KBTBD2: variants seen among roughly 807,000 people sequenced by gnomAD.
KBTBD2 encodes kelch repeat and BTB domain-containing protein 2.
KBTBD2 carries 17 observed loss-of-function variants against 57.1 expected under a neutral mutation model. The observed-to-expected ratio is 0.30, with a 90% CI of 0.20 to 0.45. KBTBD2 has a LOEUF of 0.45. KBTBD2 is among the 20% of genes least tolerant of loss of function. The pLI, the probability that KBTBD2 is intolerant of heterozygous loss-of-function variation, is 1.00. For synonymous variants in KBTBD2, 267 were observed against 262.7 expected (o/e 1.02, Z -0.16); for missense variants, 515 against 750.6 (o/e 0.69, Z 3.67).
chr7:32,888,090 TTCTG>T (rs1189973056), intron 1 of KBTBD2, among the ~76,000 whole-genome samples: 2 of 152,268 alleles, frequency 1.3e-5, no homozygotes, highest in African/African-American at 4.8e-5. Context: ...TCTTTTTTCA[TTCTG>T]TCTAAATGGT....
intron 1 of KBTBD2, among the ~76,000 whole-genome samples, chr7:32,883,277 C>T (rs1171177913): frequency 6.6e-6 from 1 of 152,174 alleles, no homozygotes; most frequent in Admixed American, 6.5e-5. Flanking sequence ...ACTCTGGAGG[C>T]TGAGGCTGCT....
In KBTBD2 at chr7:32,879,586, T is replaced by C. The variant is rs1236505575; in HGVS notation, c.19A>G (p.Arg7Gly). ...ACAGCATATTCAGTATTGATCTGCCTCTCGTCTTGAGTGGACATGACTGTA... is the reference window on the plus strand; with the variant it reads ...ACAGCATATTCAGTATTGATCTGCCCCTCGTCTTGAGTGGACATGACTGTA... MSTQDE[R>G]QINTEYAVSL... Residue 7 changes from arginine to glycine, a missense_variant, in exon 2 of 4, where the codon AGG becomes GGG. Coordinates refer to ENST00000304056, the MANE Select transcript of KBTBD2 (RefSeq NM_015483.3). The C allele has an allele frequency of 1.1e-5, 17 of 1,613,140 alleles. No homozygotes were observed. The East Asian group carries it at 3.8e-4, about 36-fold the overall frequency.
rs557093194 is a variant in KBTBD2, at chr7:32,868,336, A to C, written c.*1009T>G. 3 of 152,692 alleles carry C rather than the reference A, an allele frequency of 2.0e-5. No homozygotes were observed. In the South Asian group the frequency reaches 6.2e-4, roughly 32 times the overall value. The allele number at this position is 152,692 out of a possible 1,614,324, so 9.5% of individuals were successfully genotyped here. A position where few individuals can be genotyped will look rare whatever the true frequency, so the allele number is the denominator to read the frequency against. ...TGGTTCCTGGGATTAATGCCAGAGC[A>C]GCGCTAGTTATCTGCTCTTCTGCAC... is the stretch of plus-strand genomic sequence containing the variant. On this transcript the variant is annotated 3_prime_UTR_variant, in exon 4 of 4. Transcript: ENST00000304056.
intron 3 of KBTBD2, among the ~76,000 whole-genome samples, chr7:32,873,734 C>CA (rs905107530): frequency 1.3e-5 from 2 of 150,118 alleles, no homozygotes; most frequent in East Asian, 2.0e-4. Context: ...AATTCCGTCT[C>CA]AAAAAAAAAT....
chr7:32,885,013 T>TAC (rs1784540023), intron 1 of KBTBD2, among the ~76,000 whole-genome samples: 1 of 140,564 alleles, frequency 7.1e-6, no homozygotes, highest in East Asian at 2.0e-4. Context: ...TATATATATA[T>TAC]ATATACACAC....
At chr7:32,877,191 G>C (rs1223306753) in intron 2 of KBTBD2, among the ~76,000 whole-genome samples, 1 of 151,846 alleles carries the variant, frequency 6.6e-6, no homozygotes, top group Admixed American at 6.6e-5. Context: ...CTGATTTTTT[G>C]TATTTTTAGT....
intron 1 of KBTBD2, among the ~76,000 whole-genome samples, chr7:32,887,164 A>G (rs981144599): frequency 2.0e-5 from 3 of 152,196 alleles, no homozygotes; most frequent in Non-Finnish European, 4.4e-5. Context: ...TGAATGTGAT[A>G]AAGAAACCAA....
chr7:32,872,058 G>C (rs1376036268), intron 3 of KBTBD2, among the ~76,000 whole-genome samples: 1 of 152,134 alleles, frequency 6.6e-6, no homozygotes, highest in South Asian at 2.1e-4. Flanking sequence ...AAAATTAGCT[G>C]GATGTGCTGG....
rs1784112917 is a variant in KBTBD2 at position 32,869,457 on chromosome 7, T to C, written c.1760A>G (p.Tyr587Cys). The change falls in exon 4 of 4, where the codon TAT (tyrosine) becomes TGT (cysteine). Residue 587 changes from tyrosine to cysteine, a missense_variant. By Grantham distance (194) the Tyr-to-Cys change is radical. Coordinates refer to ENST00000304056, the MANE Select transcript of KBTBD2 (RefSeq NM_015483.3). ...TGGAGACTCTTCAAGGCAGGATGGA[T>C]AGAGTTTCCCCACAGTGCATCGAAA... ...RDFRCTVGKLYPSCLEESPWK... is the reference protein window; with the variant it reads ...RDFRCTVGKLCPSCLEESPWK... The C allele has an allele frequency of 1.2e-6, 2 of 1,613,932 alleles. No individual in the cohort carries two copies. The highest frequency in any genetic ancestry group is 1.3e-5 in the African/African-American group (1 of 74,894).
At chr7:32,884,290 GTACC>G (rs1194726590) in intron 1 of KBTBD2, among the ~76,000 whole-genome samples, 10 of 151,528 alleles carry the variant, frequency 6.6e-5, no homozygotes, top group Non-Finnish European at 1.0e-4. Context: ...AGGCGAGAGG[GTACC>G]TTGAGGCCAA....
chr7:32,878,457 G>C (rs1325672933), intron 2 of KBTBD2, among the ~76,000 whole-genome samples: 1 of 151,926 alleles, frequency 6.6e-6, no homozygotes, highest in African/African-American at 2.4e-5. Context: ...GTGCGTGCCT[G>C]TAATCCCAGC....
chr7:32,878,814 A>C (rs1216576110), intron 2 of KBTBD2, among the ~76,000 whole-genome samples: 1 of 152,226 alleles, frequency 6.6e-6, no homozygotes, highest in African/African-American at 2.4e-5. Flanking sequence ...ACAAAGACGC[A>C]AAAGATCATA....
chr7:32,890,852 T>A (rs930265532), intron 1 of KBTBD2: 1 of 152,172 alleles, frequency 6.6e-6, no homozygotes, highest in African/African-American at 2.4e-5. Context: ...AAAAAAGATG[T>A]TAACTCAAAA....
intron 1 of KBTBD2, among the ~76,000 whole-genome samples, chr7:32,883,483 C>T (rs896380190): frequency 1.3e-5 from 2 of 152,184 alleles, no homozygotes; most frequent in African/African-American, 4.8e-5. Context: ...CTGTAAAAGG[C>T]TCCTTCCCTC....
intron 1 of KBTBD2, among the ~76,000 whole-genome samples, chr7:32,884,647 A>T (rs749001656): frequency 4.2e-5 from 6 of 143,062 alleles, no homozygotes; most frequent in Non-Finnish European, 9.2e-5. Flanking sequence ...CCGAGATCGC[A>T]CCACTGCACT....
intron 1 of KBTBD2, among the ~76,000 whole-genome samples, chr7:32,885,484 A>C (rs1784555630): frequency 6.6e-6 from 1 of 151,590 alleles, no homozygotes; most frequent in Non-Finnish European, 1.5e-5. Flanking sequence ...AAAAAAAAAA[A>C]AAAGACATCT....
At position 32,881,360 on chromosome 7, in the gene KBTBD2, T is replaced by C. The variant is rs1208921721; in HGVS notation, c.-338-1418A>G. Among the ~76,000 whole-genome samples, 5 of 152,016 alleles carry C rather than the reference T, an allele frequency of 3.3e-5. 1 individual carries two copies. Among genetic ancestry groups the C allele is most frequent in the Admixed American group, 2.6e-4 (4 of 15,248 alleles). On this transcript the variant is annotated intron_variant, in intron 1 of 3. Coordinates refer to ENST00000304056, the MANE Select transcript of KBTBD2 (RefSeq NM_015483.3). The stretch of plus-strand genomic sequence containing the variant: ...ATCAGGAAAAGAGGAAAATCCCAAA[T>C]AGAATGCTACTAATATGTTAACTAT...
At chr7:32,878,529 G>A (rs1460221578) in intron 2 of KBTBD2, among the ~76,000 whole-genome samples, 1 of 150,944 alleles carries the variant, frequency 6.6e-6, no homozygotes, top group Non-Finnish European at 1.5e-5. Context: ...GCAGTGAGCC[G>A]AGATCGCGCC....
chr7:32,891,659 C>G lies in KBTBD2; in HGVS notation c.-462G>C, dbSNP rs999170505. On this transcript the variant is annotated 5_prime_UTR_variant, in exon 1 of 4. Transcript: ENST00000304056. ...CGCGGCCTCGCCTGGGGTCTCGCCT[C>G]CGCCTCCGGCCGAGGAAGGCTGGCG... The G allele has an allele frequency of 3.0e-4, 46 of 151,318 alleles. No homozygotes were observed. The highest frequency in any genetic ancestry group is 9.7e-4 in the African/African-American group (40 of 41,344). The allele number at this position is 151,318 out of a possible 1,614,324, so 9.4% of individuals were successfully genotyped here. A position where few individuals can be genotyped will look rare whatever the true frequency, so the allele number is the denominator to read the frequency against.
Sources: allele counts gnomAD v4.1 joint callset (sites outside exome capture counted in the v4.1 genomes callset), GRCh38; gene constraint gnomAD v4.1.1; transcripts MANE v1.5; gene names NCBI Gene and HGNC (gene_info 2026-07-23, HGNC 2026-07-21).